Variants in LRMDA observed in about 807,000 individuals in gnomAD.
LRMDA encodes leucine-rich melanocyte differentiation-associated protein.
In LRMDA, 18 loss-of-function variants were observed where a neutral mutation model predicts 29.8. The observed-to-expected ratio is 0.60, with a 90% CI of 0.42 to 0.90. The LOEUF is 0.90. LRMDA is among the 40% of genes least tolerant of loss of function. The probability of loss-of-function intolerance (pLI) is 0.00; values close to 1 mark genes in which losing one functional copy is unlikely to be tolerated. For missense variants in LRMDA, 273 were observed against 273.9 expected (o/e 1.00, Z 0.02); for synonymous variants, 125 against 109.4 (o/e 1.14, Z -0.89).
chr10:75,646,819 A>AT (rs1214685873), intron 2 of LRMDA, among the ~76,000 whole-genome samples: 1 of 152,176 alleles, frequency 6.6e-6, no homozygotes, highest in Admixed American at 6.5e-5. Flanking sequence ...AATAACGTAT[A>AT]TTGGAAGGTA....
At chr10:75,576,590 G>A (rs911714472) in intron 2 of LRMDA, among the ~76,000 whole-genome samples, 9 of 152,204 alleles carry the variant, frequency 5.9e-5, no homozygotes, top group African/African-American at 2.2e-4. Flanking sequence ...ACACCTCCCA[G>A]TAGGGGCCAA....
intron 6 of LRMDA, among the ~76,000 whole-genome samples, chr10:76,365,107 T>TATATATATATATATATATACAC (rs141131236): frequency 0.015 from 912 of 61,014 alleles, 84 homozygotes; most frequent in Non-Finnish European, 0.029. Flanking sequence ...TATATATATA[T>TATATATATATATATATATACAC]ACACACACAC....
intron 2 of LRMDA, among the ~76,000 whole-genome samples, chr10:75,693,013 G>A (rs934762122): frequency 2.0e-5 from 3 of 152,146 alleles, no homozygotes; most frequent in African/African-American, 7.2e-5. Flanking sequence ...CCCTGTTCAG[G>A]AGCATAGAGC....
chr10:75,800,438 CTTTTTTT>C (rs56269028), intron 2 of LRMDA, among the ~76,000 whole-genome samples: 1 of 145,636 alleles, frequency 6.9e-6, no homozygotes, highest in Non-Finnish European at 1.5e-5. Flanking sequence ...TAATCTTTTT[CTTTTTTT>C]TTTTTCTTTT....
intron 2 of LRMDA, among the ~76,000 whole-genome samples, chr10:75,962,893 G>A (rs893844391): frequency 6.6e-6 from 1 of 152,182 alleles, no homozygotes; most frequent in Non-Finnish European, 1.5e-5. Flanking sequence ...CAAGGCCAGC[G>A]AGATGGCTTG....
Position 76,304,063 on chromosome 10 carries a change from C to A in LRMDA, c.517-20338C>A, listed in dbSNP as rs188996140. ...CCCTTTGGTCCCTGGAGGAGCACAA[C>A]AGTGACTAATGGTGTGCGTACCTGC... On this transcript the variant is annotated intron_variant, in intron 5 of 6. Transcript: ENST00000611255. Among the ~76,000 whole-genome samples the A allele has an allele frequency of 5.6e-4, 86 of 152,306 alleles. 1 individual carries two copies. Among genetic ancestry groups the A allele is most frequent in the African/African-American group, 2.0e-3 (84 of 41,560 alleles).
intron 2 of LRMDA, among the ~76,000 whole-genome samples, chr10:75,810,363 G>A (rs1400735366): frequency 2.0e-5 from 3 of 152,204 alleles, no homozygotes; most frequent in Non-Finnish European, 4.4e-5. Context: ...CTGTTCGGAG[G>A]ATGTCAGAGC....
chr10:76,180,926 T>C (rs1851037154), intron 5 of LRMDA, among the ~76,000 whole-genome samples: 1 of 152,170 alleles, frequency 6.6e-6, no homozygotes, highest in Admixed American at 6.5e-5. Flanking sequence ...ACAGGCAGTA[T>C]ATCAGGACAC....
intron 5 of LRMDA, among the ~76,000 whole-genome samples, chr10:76,254,977 A>G (rs1012316754): frequency 1.3e-5 from 2 of 152,160 alleles, no homozygotes; most frequent in African/African-American, 4.8e-5. Context: ...CTTGAACTCA[A>G]TGTACTTTTT....
intron 2 of LRMDA, among the ~76,000 whole-genome samples, chr10:75,677,615 A>G (rs1459477358): frequency 6.6e-6 from 1 of 152,164 alleles, no homozygotes; most frequent in African/African-American, 2.4e-5. Flanking sequence ...ACTCAAGCCC[A>G]CTGAGGAAAC....
chr10:75,784,297 G>A (rs1411975329), intron 2 of LRMDA, among the ~76,000 whole-genome samples: 1 of 152,226 alleles, frequency 6.6e-6, no homozygotes, highest in Non-Finnish European at 1.5e-5. Flanking sequence ...TTATCTTACA[G>A]TGTTGTTAGG....
At position 75,589,765 on chromosome 10, in the gene LRMDA, A is replaced by AAAATAT. The variant is rs71024554; in HGVS notation, c.131+151272_131+151273insAATATA. ...GGAGATAGAGACCCTGTCTAAAAAA[A>AAAATAT]ATATATATATATAGAGAGAGAGAGA... On this transcript the variant is annotated intron_variant, in intron 2 of 6. Transcript: ENST00000611255. 1.8e-3 allele frequency among the ~76,000 whole-genome samples: 258 copies of AAAATAT among 144,818 alleles called. 1 individual carries two copies. The highest frequency in any genetic ancestry group is 3.8e-3 in the Admixed American group (56 of 14,610).
At chr10:75,566,676 C>T (rs945216787) in intron 2 of LRMDA, among the ~76,000 whole-genome samples, 20 of 152,046 alleles carry the variant, frequency 1.3e-4, no homozygotes, top group African/African-American at 3.1e-4. Flanking sequence ...ATTTCTTCCC[C>T]GGGTAATTTT....
At chr10:75,699,843 A>G (rs1328132032) in intron 2 of LRMDA, among the ~76,000 whole-genome samples, 2 of 152,224 alleles carry the variant, frequency 1.3e-5, no homozygotes, top group Non-Finnish European at 2.9e-5. Context: ...GGACCCAGAT[A>G]CAATCCCAGG....
chr10:75,935,473 A>G (rs545814795), intron 2 of LRMDA, among the ~76,000 whole-genome samples: 16 of 152,302 alleles, frequency 1.1e-4, no homozygotes, highest in African/African-American at 3.8e-4. Flanking sequence ...CAGATATGAC[A>G]AAGGGGAAGT....
intron 2 of LRMDA, among the ~76,000 whole-genome samples, chr10:75,559,746 T>C (rs1234986211): frequency 7.2e-5 from 10 of 139,574 alleles, no homozygotes; most frequent in East Asian, 2.2e-4. Flanking sequence ...CAGCTTTCTA[T>C]ATATGGCTAG....
intron 2 of LRMDA, among the ~76,000 whole-genome samples, chr10:75,694,033 T>C (rs1231894942): frequency 6.6e-6 from 1 of 152,180 alleles, no homozygotes; most frequent in East Asian, 1.9e-4. Context: ...AGAAAAGTAA[T>C]GCAAAATGCA....
At chr10:76,451,252 A>G (rs1231525666) in intron 6 of LRMDA, among the ~76,000 whole-genome samples, 1 of 151,234 alleles carries the variant, frequency 6.6e-6, no homozygotes, top group Non-Finnish European at 1.5e-5. Context: ...CCCAGGCTGG[A>G]GTGCAGTGGT....
rs539201941 is a variant in LRMDA, at chr10:76,447,313, T to C, written c.602-109896T>C. Among the ~76,000 whole-genome samples the C allele has an allele frequency of 3.3e-4, 51 of 152,346 alleles. 1 individual carries two copies. The highest frequency in any genetic ancestry group is 1.2e-3 in the African/African-American group (50 of 41,586). The stretch of plus-strand genomic sequence containing the variant: ...AAAGGATATTATCTTTTACTTTAAG[T>C]ATTTTTTAAGGTTTTTCAGAGACAA... On this transcript the variant is annotated intron_variant, in intron 6 of 6. Coordinates refer to ENST00000611255, the MANE Select transcript of LRMDA (RefSeq NM_001305581.2).
Sources: allele counts gnomAD v4.1 joint callset (sites outside exome capture counted in the v4.1 genomes callset), GRCh38; gene constraint gnomAD v4.1.1; transcripts MANE v1.5; gene names NCBI Gene and HGNC (gene_info 2026-07-23, HGNC 2026-07-21).